The following CCDC77 variants were observed in gnomAD, a reference collection of about 807,000 sequenced individuals.
CCDC77 encodes the protein coiled-coil domain containing 77, also known as coiled-coil domain-containing protein 77.
Under a neutral mutation model 66.8 loss-of-function variants are expected in CCDC77, and 56 were observed. The ratio of observed to expected loss-of-function variants is 0.84; its 90% confidence interval spans 0.68 to 1.05. The LOEUF is 1.05. Ranked by LOEUF, CCDC77 falls within the 50% of genes least tolerant of loss-of-function variation. CCDC77 has a pLI of 0.00. For missense variants in CCDC77, 570 were observed against 576.8 expected (o/e 0.99, Z 0.12); for synonymous variants, 196 against 195.2 (o/e 1.00, Z -0.03).
At chr12:436,671 T>C (rs1045162993) in intron 9 of CCDC77, 2 of 540,880 alleles carry the variant, frequency 3.7e-6, no homozygotes, top group African/African-American at 4.1e-5. Context: ...ATTTTAATAT[T>C]GTCATAGTAA....
chr12:414,009 T>C (rs548733673), intron 4 of CCDC77, among the ~76,000 whole-genome samples: 4 of 152,006 alleles, frequency 2.6e-5, no homozygotes, highest in South Asian at 2.1e-4. Context: ...AAATACCTGT[T>C]TACCAAACTT....
At chr12:417,187 G>A (rs1326525221) in intron 4 of CCDC77, among the ~76,000 whole-genome samples, 1 of 151,436 alleles carries the variant, frequency 6.6e-6, no homozygotes, top group Non-Finnish European at 1.5e-5. Context: ...GAATCATACT[G>A]TAGTTTTTCT....
chr12:404,287 G>C (rs912754635), intron 1 of CCDC77, among the ~76,000 whole-genome samples: 1 of 152,242 alleles, frequency 6.6e-6, no homozygotes. Context: ...CTGCACTCCA[G>C]CCTGGGCTGA....
At chr12:390,074 G>A (rs1180008549) in intron 1 of CCDC77, 1 of 128,246 alleles carries the variant, frequency 7.8e-6, no homozygotes, top group East Asian at 2.4e-4. Flanking sequence ...TGTTTCTTCA[G>A]TGTTCCTGGT....
upstream of CCDC77, among the ~76,000 whole-genome samples, chr12:399,328 T>C (rs1465221989): frequency 2.0e-5 from 3 of 152,196 alleles, no homozygotes; most frequent in African/African-American, 7.2e-5. Context: ...TGCGCCATCA[T>C]GGCCAGCTAA....
chr12:395,873 G>A (rs1338431043), intron 1 of CCDC77, among the ~76,000 whole-genome samples: 2 of 151,948 alleles, frequency 1.3e-5, no homozygotes, highest in Non-Finnish European at 2.9e-5. Flanking sequence ...CAGCCTGGGC[G>A]ACAGAGTGAG....
At chr12:408,200 C>T (rs1395544945) in intron 2 of CCDC77, among the ~76,000 whole-genome samples, 2 of 152,126 alleles carry the variant, frequency 1.3e-5, no homozygotes, top group African/African-American at 4.8e-5. Context: ...AGAAAGTTTT[C>T]ACCAAAGCAA....
intron 4 of CCDC77, 73 bp from the exon 5 acceptor site, chr12:418,421 C>G: frequency 1.4e-6 from 2 of 1,426,762 alleles, no homozygotes; most frequent in South Asian, 2.4e-5. Context: ...TGAGTAGACT[C>G]CTCCCTATCC....
chr12:402,316 C>CT lies in CCDC77; in HGVS notation c.-71+633dup, dbSNP rs1170500979. 2.0e-5 allele frequency among the ~76,000 whole-genome samples: 3 copies of CT among 152,292 alleles called. No individual in the cohort carries two copies. The East Asian group carries it at 5.8e-4, about 29-fold the overall frequency. ...GGAGAAACGATAGCAATAAAGCACT[C>CT]TAATATGTTGACTTGTAGATAATTT... On this transcript the variant is annotated intron_variant, in intron 1 of 12. Coordinates refer to ENST00000239830, the MANE Select transcript of CCDC77 (RefSeq NM_032358.4).
chr12:418,517 G>C lies in CCDC77; in HGVS notation c.294G>C (p.Gln98His). The change falls in exon 5 of 13, where the codon CAG becomes CAC. Residue 98 changes from glutamine to histidine, a missense_variant. Physicochemically the swap from Gln to His is conservative, Grantham distance 24. Coordinates refer to ENST00000239830, the MANE Select transcript of CCDC77 (RefSeq NM_032358.4). ...EGQHKLECDL[Q>H]QREEEIAELQ... ...AGCATAAACTTGAATGTGATTTGCAGCAGAGGGAGGAAGAGATTGCTGAAT... is the reference window on the plus strand; with the variant it reads ...AGCATAAACTTGAATGTGATTTGCACCAGAGGGAGGAAGAGATTGCTGAAT... 6 of 1,614,116 alleles carry C rather than the reference G, an allele frequency of 3.7e-6. No individual in the cohort carries two copies. The highest frequency in any genetic ancestry group is 5.1e-6 in the Non-Finnish European group (6 of 1,179,994).
At chr12:389,527 G>A (rs1397768024) in intron 1 of CCDC77, 1 of 344,022 alleles carries the variant, frequency 2.9e-6, no homozygotes, top group Non-Finnish European at 5.5e-6. Flanking sequence ...CTTTACTAGA[G>A]GTACGGATTG....
In CCDC77 at chr12:416,373, GTGTGTATATATATATATA is replaced by G. The variant is rs1452738322; in HGVS notation, c.271-2119_271-2102del. Among the ~76,000 whole-genome samples, 83 of 25,278 alleles carry G rather than the reference GTGTGTATATATATATATA, an allele frequency of 3.3e-3. 1 individual carries two copies. The highest frequency in any genetic ancestry group is 0.013 in the African/African-American group (80 of 5,986). The allele number at this position is 25,278 out of a possible 152,430, so 16.6% of individuals were successfully genotyped here. Reference sequence around the variant, plus strand: ...TGTGTGTGTGTGTGTGTGTGTGTGTGTGTGTATATATATATATATATATATATATATATATATATATAT... The same window carrying G: ...TGTGTGTGTGTGTGTGTGTGTGTGTGTATATATATATATATATATATATAT... On this transcript the variant is annotated intron_variant, in intron 4 of 12. Transcript: ENST00000239830.
intron 3 of CCDC77, among the ~76,000 whole-genome samples, chr12:411,251 G>C (rs1172133852): frequency 6.6e-6 from 1 of 151,288 alleles, no homozygotes; most frequent in Non-Finnish European, 1.5e-5. Context: ...TCGACTCACT[G>C]CAACCTCTGC....
upstream of CCDC77, among the ~76,000 whole-genome samples, chr12:399,175 ATT>A (rs36027759): frequency 6.8e-6 from 1 of 147,148 alleles, no homozygotes. Context: ...CTTATGAAAT[ATT>A]TTTTTTTTTT....
rs1945876655 is a variant in CCDC77, at chr12:442,595, T to A, written c.*675T>A. ...CAGTCACATGGCTTTTGAAAAATGATGTATATATTTTAAATTAACTATTTT... is the reference window on the plus strand; with the variant it reads ...CAGTCACATGGCTTTTGAAAAATGAAGTATATATTTTAAATTAACTATTTT... On this transcript the variant is annotated 3_prime_UTR_variant, in exon 13 of 13. Transcript: ENST00000239830. The A allele has an allele frequency of 6.6e-6, 1 of 152,226 alleles. No individual in the cohort carries two copies. Among genetic ancestry groups the A allele is most frequent in the African/African-American group, 2.4e-5 (1 of 41,460 alleles). 9.4% of individuals were successfully genotyped at this position (152,226 alleles called of 1,614,324 possible). A position where few individuals can be genotyped will look rare whatever the true frequency, so the allele number is the denominator to read the frequency against.
intron 1 of CCDC77, among the ~76,000 whole-genome samples, chr12:395,755 G>A (rs1353776782): frequency 2.0e-5 from 3 of 152,086 alleles, no homozygotes; most frequent in Non-Finnish European, 4.4e-5. Context: ...TTGGCTGGGC[G>A]TCGTGGTGCA....
chr12:434,618 C>T lies in CCDC77; in HGVS notation c.821+1296C>T, dbSNP rs11062965. Among the ~76,000 whole-genome samples the T allele has an allele frequency of 4.4e-3, 671 of 152,326 alleles. 4 individuals are homozygous for T. Among genetic ancestry groups the T allele is most frequent in the African/African-American group, 0.015 (617 of 41,580 alleles). ...CCACCCGCCTCAGCCTCCCAAAGTGCTGGGATTACAGGCATGAGCCACCAC... is the reference window on the plus strand; with the variant it reads ...CCACCCGCCTCAGCCTCCCAAAGTGTTGGGATTACAGGCATGAGCCACCAC... On this transcript the variant is annotated intron_variant, in intron 9 of 12. Transcript: ENST00000239830.
chr12:407,033 G>T (rs573306323), intron 2 of CCDC77, among the ~76,000 whole-genome samples: 1 of 152,214 alleles, frequency 6.6e-6, no homozygotes, highest in African/African-American at 2.4e-5. Context: ...GAAGCCAAGC[G>T]CAGTGACTCA....
At position 411,921 on chromosome 12, in the gene CCDC77, A is replaced by G. The variant is rs1945119333; in HGVS notation, c.213A>G (p.Ala71=). The G allele has an allele frequency of 6.2e-7, 1 of 1,614,032 alleles. No individual in the cohort carries two copies. The highest frequency in any genetic ancestry group is 1.3e-5 in the African/African-American group (1 of 74,928). Residue 71 remains alanine, a synonymous_variant, in exon 4 of 13, where the codon GCA becomes GCG. Coordinates refer to ENST00000239830, the MANE Select transcript of CCDC77 (RefSeq NM_032358.4). ...YYQKKMAECE[A]ENEDLLKKLE... ...AAAAGAAGATGGCTGAGTGTGAGGC[A>G]GAAAATGAGGACTTGCTGAAGAAAC... is the stretch of plus-strand genomic sequence containing the variant.
Sources: gnomAD v4.1 joint callset for allele counts (sites outside exome capture counted in the v4.1 genomes callset) on GRCh38, gnomAD v4.1.1 for gene constraint, MANE v1.5 for transcripts, NCBI Gene and HGNC (gene_info 2026-07-23, HGNC 2026-07-21) for gene names.